The following PRKDC variants were observed in gnomAD, a reference collection of about 807,000 sequenced individuals.
PRKDC encodes the protein DNA-dependent protein kinase catalytic subunit.
In PRKDC, 82 loss-of-function variants were observed where a neutral mutation model predicts 486.9. That is an observed-to-expected ratio of 0.17 (90% confidence interval 0.14 to 0.20). PRKDC has a LOEUF of 0.20. Ranked by LOEUF, PRKDC falls within the 10% of genes least tolerant of loss-of-function variation. The pLI is 1.00. For missense variants in PRKDC, 4,504 were observed against 5,038.2 expected (o/e 0.89, Z 3.21); for synonymous variants, 1,895 against 1,837.0 (o/e 1.03, Z -0.81).
chr8:47,894,165 CA>C (rs1228819204), intron 30 of PRKDC, among the ~76,000 whole-genome samples: 1 of 152,190 alleles, frequency 6.6e-6, no homozygotes, highest in Admixed American at 6.5e-5. Context: ...CCTGTGGTCT[CA>C]GCTACTCAGG....
chr8:47,911,953 A>G (rs1238160162), intron 25 of PRKDC, among the ~76,000 whole-genome samples: 1 of 151,984 alleles, frequency 6.6e-6, no homozygotes, highest in African/African-American at 2.4e-5. Context: ...TATTTTTAGT[A>G]GAGACGGGGG....
At chr8:47,820,678 CTATA>C in intron 66 of PRKDC, 37 bp downstream of exon 66, 1 of 920,650 alleles carries the variant, frequency 1.1e-6, no homozygotes, top group Non-Finnish European at 1.5e-6. Context: ...TATATATACA[CTATA>C]TATATACAAG....
At chr8:47,954,712 C>T (rs1268637063) in intron 4 of PRKDC, among the ~76,000 whole-genome samples, 2 of 152,108 alleles carry the variant, frequency 1.3e-5, no homozygotes, top group Non-Finnish European at 2.9e-5. Flanking sequence ...AGGTGTGTTA[C>T]GTTCCCAAGA....
At chr8:47,824,163 T>A (rs529639337) in intron 63 of PRKDC, among the ~76,000 whole-genome samples, 167 bp from the exon 64 acceptor site, 3 of 152,342 alleles carry the variant, frequency 2.0e-5, no homozygotes, top group Non-Finnish European at 2.9e-5. Flanking sequence ...ACTATGAAGT[T>A]GCCCTTAGGT....
Position 47,817,673 on chromosome 8 carries a change from A to G in PRKDC, c.9446-112T>C. On this transcript the variant is annotated intron_variant, in intron 67 of 85. Transcript: ENST00000314191. The stretch of plus-strand genomic sequence containing the variant: ...AAACTTCCTGCCCAAATTACAAAAA[A>G]GTCCTTTCTTTTACAAAAGGAACAC... 4 of 654,340 alleles carry G rather than the reference A, an allele frequency of 6.1e-6. No individual in the cohort carries two copies. The South Asian group carries it at 9.9e-5, about 16-fold the overall frequency. 40.5% of individuals were successfully genotyped at this position (654,340 alleles called of 1,614,324 possible).
At chr8:47,830,201 G>C (rs1589726467) in intron 61 of PRKDC, among the ~76,000 whole-genome samples, 1 of 152,166 alleles carries the variant, frequency 6.6e-6, no homozygotes, top group Non-Finnish European at 1.5e-5. Flanking sequence ...TTACTGGTGT[G>C]TACACTTTTA....
chr8:47,795,554 G>A (rs1163253529), intron 73 of PRKDC, among the ~76,000 whole-genome samples: 5 of 148,834 alleles, frequency 3.4e-5, no homozygotes, highest in South Asian at 2.1e-4. Context: ...GTGCTGTGGC[G>A]TGATCTCAGC....
rs2088416233 is a variant in PRKDC, at chr8:47,851,941, C to G, written c.7005+732G>C. On this transcript the variant is annotated intron_variant, in intron 52 of 85. Coordinates refer to ENST00000314191, the MANE Select transcript of PRKDC (RefSeq NM_006904.7). ...ACCCTGCTTGGGCAACATGGCGAAA[C>G]CTTGTTTCTACAAAAAATACAAAAA... Among the ~76,000 whole-genome samples the G allele has an allele frequency of 1.3e-5, 2 of 151,790 alleles. 1 individual carries two copies. The highest frequency in any genetic ancestry group is 6.8e-3 in the Middle Eastern group (2 of 294).
intron 11 of PRKDC, among the ~76,000 whole-genome samples, chr8:47,937,796 C>T (rs2090377830): frequency 6.6e-6 from 1 of 152,152 alleles, no homozygotes; most frequent in South Asian, 2.1e-4. Flanking sequence ...AAGTCGCCAA[C>T]AGAGACAAAT....
Position 47,777,877 on chromosome 8 carries a change from A to G in PRKDC, c.11854-3T>C. 1 of 1,613,190 alleles carries G rather than the reference A, an allele frequency of 6.2e-7. No individual in the cohort carries two copies. The highest frequency in any genetic ancestry group is 1.1e-5 in the South Asian group (1 of 91,016). ...ATCAACTCAGGGACTGGCAGAAACT[A>G]AACAAGAAAAAAGGCAAGGAGCAGA... On this transcript the variant is annotated splice_polypyrimidine_tract_variant and splice_region_variant and intron_variant, in intron 83 of 85. Coordinates refer to ENST00000314191, the MANE Select transcript of PRKDC (RefSeq NM_006904.7).
At chr8:47,795,417 G>A (rs1264327685) in intron 73 of PRKDC, among the ~76,000 whole-genome samples, 2 of 145,532 alleles carry the variant, frequency 1.4e-5, no homozygotes, top group Non-Finnish European at 3.0e-5. Flanking sequence ...TCTCAATCTC[G>A]TGACCTCGTG....
At chr8:47,881,640 A>G in intron 37 of PRKDC, 120 bp from the exon 38 acceptor site, 1 of 652,824 alleles carries the variant, frequency 1.5e-6, no homozygotes, top group Non-Finnish European at 2.5e-6. Flanking sequence ...GGGCTTCAAT[A>G]ATATTTTCAC....
chr8:47,893,032 T>C (rs906803557), intron 31 of PRKDC, 107 bp downstream of exon 31: 7 of 1,318,076 alleles, frequency 5.3e-6, no homozygotes, highest in Non-Finnish European at 7.0e-6. Flanking sequence ...GGCAAGGTGG[T>C]GCACAGCACC....
At position 47,887,643 on chromosome 8, in the gene PRKDC, G is replaced by A; in HGVS notation, c.4476C>T (p.Ala1492=). 2.5e-6 allele frequency: 4 copies of A among 1,608,716 alleles called. No homozygotes were observed. Among genetic ancestry groups the A allele is most frequent in the Non-Finnish European group, 3.4e-6 (4 of 1,177,604 alleles). ...ELLSLVYKGI[A]PGDERQCLPS... ...GCAGACACTGTCTCTCATCTCCAGG[G>A]GCAATGCCTTTATAAACCAGGGAAA... Residue 1492 remains alanine (A), a synonymous_variant, in exon 35 of 86, where the codon GCC becomes GCT. Coordinates refer to ENST00000314191, the MANE Select transcript of PRKDC (RefSeq NM_006904.7).
At chr8:47,812,766 A>G (rs1380686068) in intron 68 of PRKDC, among the ~76,000 whole-genome samples, 1 of 152,098 alleles carries the variant, frequency 6.6e-6, no homozygotes, top group Non-Finnish European at 1.5e-5. Flanking sequence ...TAGAAAACAG[A>G]CAAATAATAA....
At chr8:47,822,710 A>G in intron 64 of PRKDC, among the ~76,000 whole-genome samples, 1 of 152,186 alleles carries the variant, frequency 6.6e-6, no homozygotes, top group East Asian at 1.9e-4. Context: ...GAATGGCGTG[A>G]ACCCGGAAGG....
At chr8:47,928,911 C>A (rs192812592) in intron 19 of PRKDC, among the ~76,000 whole-genome samples, 181 bp downstream of exon 19, 1,619 of 151,998 alleles carry the variant, frequency 0.011, 8 homozygotes, top group Non-Finnish European at 0.016. Context: ...AGGCTGGTCT[C>A]GAACTACTGA....
chr8:47,786,225 A>G (rs779651745), intron 76 of PRKDC, among the ~76,000 whole-genome samples: 8 of 151,972 alleles, frequency 5.3e-5, no homozygotes, highest in Non-Finnish European at 1.2e-4. Flanking sequence ...AGCCTGGCCA[A>G]TATGGTGAAA....
intron 52 of PRKDC, 76 bp from the exon 53 acceptor site, chr8:47,849,579 A>C: frequency 1.3e-6 from 2 of 1,501,162 alleles, no homozygotes; most frequent in Non-Finnish European, 1.8e-6. Context: ...GTTTATCTTG[A>C]GTATTTAAGT....
Sources: allele counts gnomAD v4.1 joint callset (sites outside exome capture counted in the v4.1 genomes callset), GRCh38; gene constraint gnomAD v4.1.1; transcripts MANE v1.5; gene names NCBI Gene and HGNC (gene_info 2026-07-23, HGNC 2026-07-21).